Variants in SLC17A8 observed in about 807,000 individuals in gnomAD.
SLC17A8 encodes solute carrier family 17 member 8, also known as vesicular glutamate transporter 3.
In SLC17A8, 31 loss-of-function variants were observed where a neutral mutation model predicts 58.0. The observed-to-expected ratio is 0.53, with a 90% CI of 0.40 to 0.72. The LOEUF (loss-of-function observed/expected upper bound fraction) is 0.72, where lower values mean the gene tolerates loss of function less well. SLC17A8 is among the 30% of genes least tolerant of loss of function. The pLI is 0.00. For missense variants in SLC17A8, 655 were observed against 727.8 expected (o/e 0.90, Z 1.15); for synonymous variants, 228 against 249.0 (o/e 0.92, Z 0.79).
intron 9 of SLC17A8, among the ~76,000 whole-genome samples, chr12:100,405,098 G>T (rs1396564513): frequency 6.6e-6 from 1 of 152,250 alleles, no homozygotes; most frequent in Non-Finnish European, 1.5e-5. Flanking sequence ...CACAGGAGCA[G>T]GCATGATCTG....
At chr12:100,367,604 G>A (rs879572198) in intron 1 of SLC17A8, among the ~76,000 whole-genome samples, 11 of 152,254 alleles carry the variant, frequency 7.2e-5, no homozygotes, top group Admixed American at 3.9e-4. Flanking sequence ...AGGCTGGAGT[G>A]CAGTGGCACA....
rs575106312 is a variant in SLC17A8 at position 100,367,903 on chromosome 12, G to A, written c.101+10411G>A. ...TGGTGGCCATATCCTGTATCTCTGT[G>A]TATAATGTAATAATGACTAGAAATT... On this transcript the variant is annotated intron_variant, in intron 1 of 11. Transcript: ENST00000323346. 1.8e-3 allele frequency among the ~76,000 whole-genome samples: 271 copies of A among 152,226 alleles called. 2 individuals carry two copies. Among genetic ancestry groups the A allele is most frequent in the African/African-American group, 6.0e-3 (251 of 41,534 alleles).
intron 1 of SLC17A8, among the ~76,000 whole-genome samples, chr12:100,372,237 C>T (rs1952563597): frequency 6.6e-6 from 1 of 152,180 alleles, no homozygotes; most frequent in Admixed American, 6.5e-5. Flanking sequence ...GGTTTGATTT[C>T]TCCTGAGGCC....
Position 100,368,795 on chromosome 12 carries a change from G to T in SLC17A8, c.101+11303G>T, listed in dbSNP as rs1451323665. The stretch of plus-strand genomic sequence containing the variant: ...TAAGTGCTTCTTAAAGGTTAGTAAG[G>T]CCTATAGATTCAATACCTACAGAGT... On this transcript the variant is annotated intron_variant, in intron 1 of 11. Transcript: ENST00000323346. Among the ~76,000 whole-genome samples, 5 of 152,226 alleles carry T rather than the reference G, an allele frequency of 3.3e-5. No individual in the cohort carries two copies. The East Asian group carries it at 9.6e-4, about 29-fold the overall frequency.
chr12:100,380,014 C>T (rs1419251460), intron 1 of SLC17A8, among the ~76,000 whole-genome samples: 1 of 152,050 alleles, frequency 6.6e-6, no homozygotes, highest in African/African-American at 2.4e-5. Flanking sequence ...GCCTGACCAA[C>T]ATGGAGAAAC....
chr12:100,378,946 A>G (rs1952613102), intron 1 of SLC17A8, among the ~76,000 whole-genome samples: 2 of 152,296 alleles, frequency 1.3e-5, no homozygotes, highest in South Asian at 2.1e-4. Flanking sequence ...AGCTGCTTGT[A>G]TATGTGTCTT....
chr12:100,401,727 A>G (rs756759606), intron 5 of SLC17A8, 50 bp from the exon 6 acceptor site: 3 of 1,411,694 alleles, frequency 2.1e-6, no homozygotes, highest in Admixed American at 1.7e-5. Context: ...ATGAGCTGAA[A>G]AGGCTTGCAT....
At position 100,420,093 on chromosome 12, in the gene SLC17A8, G is replaced by C. The variant is rs756074483; in HGVS notation, c.1704G>C (p.Ala568=). ...QKKEWKGQRG[A]TLDEEELTSY... Reference sequence around the variant, plus strand: ...AGGAATGGAAAGGACAGAGAGGAGCGACCCTTGATGAGGAAGAGCTGACAT... The same window carrying C: ...AGGAATGGAAAGGACAGAGAGGAGCCACCCTTGATGAGGAAGAGCTGACAT... The change falls in exon 12 of 12, where the codon GCG becomes GCC. Residue 568 remains alanine (A), a synonymous_variant. Coordinates refer to ENST00000323346, the MANE Select transcript of SLC17A8 (RefSeq NM_139319.3). The C allele has an allele frequency of 6.2e-7, 1 of 1,614,038 alleles. No homozygotes were observed.
In SLC17A8 at chr12:100,421,884, G is replaced by A. The variant is rs1952952961; in HGVS notation, c.*1725G>A. The A allele has an allele frequency of 6.6e-6, 1 of 152,000 alleles. No homozygotes were observed. The highest frequency in any genetic ancestry group is 2.1e-4 in the South Asian group (1 of 4,824). The allele number at this position is 152,000 out of a possible 1,614,324, so 9.4% of individuals were successfully genotyped here. A position where few individuals can be genotyped will look rare whatever the true frequency, so the allele number is the denominator to read the frequency against. ...TGCAAGCCCCATAAAACAGTTCCTA[G>A]CATGCAGAAAATGCCCACGTAAATA... On this transcript the variant is annotated 3_prime_UTR_variant, in exon 12 of 12. Coordinates refer to ENST00000323346, the MANE Select transcript of SLC17A8 (RefSeq NM_139319.3).
Position 100,402,795 on chromosome 12 carries a change from C to G in SLC17A8, c.1053+50C>G, listed in dbSNP as rs1160818025. On this transcript the variant is annotated intron_variant, in intron 8 of 11. Coordinates refer to ENST00000323346, the MANE Select transcript of SLC17A8 (RefSeq NM_139319.3). Reference sequence around the variant, plus strand: ...TTTTTGAACTTTAAATCTCTTGATTCTACAGAGAATAACTTTGTATGATAA... The same window carrying G: ...TTTTTGAACTTTAAATCTCTTGATTGTACAGAGAATAACTTTGTATGATAA... 1.3e-6 allele frequency: 2 copies of G among 1,529,138 alleles called. 1 individual carries two copies. Among genetic ancestry groups the G allele is most frequent in the Admixed American group, 3.6e-5 (2 of 55,566 alleles). 94.7% of individuals were successfully genotyped at this position (1,529,138 alleles called of 1,614,324 possible).
chr12:100,383,088 G>A (rs914957598), intron 2 of SLC17A8, among the ~76,000 whole-genome samples: 1 of 152,202 alleles, frequency 6.6e-6, no homozygotes, highest in Non-Finnish European at 1.5e-5. Context: ...GGTTTCAGAT[G>A]TGTATCACAT....
intron 1 of SLC17A8, among the ~76,000 whole-genome samples, chr12:100,365,568 C>CA (rs1952514301): frequency 2.0e-5 from 3 of 152,192 alleles, no homozygotes; most frequent in African/African-American, 7.2e-5. Context: ...TACACTGCCT[C>CA]AAAAACCCAA....
chr12:100,416,498 C>A (rs2136017473), intron 10 of SLC17A8, among the ~76,000 whole-genome samples: 1 of 151,384 alleles, frequency 6.6e-6, no homozygotes, highest in Middle Eastern at 3.4e-3. Flanking sequence ...AACCAGTGTG[C>A]CAGATTAGAA....
chr12:100,359,380 C>G (rs1952468847), intron 1 of SLC17A8, among the ~76,000 whole-genome samples: 1 of 152,066 alleles, frequency 6.6e-6, no homozygotes, highest in African/African-American at 2.4e-5. Context: ...TTTTTGTTTA[C>G]AAAATTGATT....
chr12:100,373,293 C>A (rs1274016368), intron 1 of SLC17A8, among the ~76,000 whole-genome samples: 1 of 152,204 alleles, frequency 6.6e-6, no homozygotes, highest in African/African-American at 2.4e-5. Flanking sequence ...AGTCCTCCAA[C>A]TCCTAAGAAA....
At chr12:100,379,122 T>C (rs931143618) in intron 1 of SLC17A8, among the ~76,000 whole-genome samples, 2 of 152,196 alleles carry the variant, frequency 1.3e-5, no homozygotes, top group African/African-American at 2.4e-5. Flanking sequence ...TGCCGGAAAT[T>C]TGATTTCCTT....
chr12:100,367,722 T>A lies in SLC17A8; in HGVS notation c.101+10230T>A, dbSNP rs180892506. On this transcript the variant is annotated intron_variant, in intron 1 of 11. Coordinates refer to ENST00000323346, the MANE Select transcript of SLC17A8 (RefSeq NM_139319.3). ...CGAGCCACCATGCTTGGCTAATTTT[T>A]AAAATATTCTGTAGAGACGAAGGTC... Among the ~76,000 whole-genome samples the A allele has an allele frequency of 6.6e-5, 10 of 152,202 alleles. No homozygotes were observed. The East Asian group carries it at 1.7e-3, about 27-fold the overall frequency.
At chr12:100,399,161 C>A (rs977213344) in intron 5 of SLC17A8, among the ~76,000 whole-genome samples, 2 of 152,062 alleles carry the variant, frequency 1.3e-5, no homozygotes, top group African/African-American at 4.8e-5. Flanking sequence ...AGGGCCGAAC[C>A]GGGGGCTCTT....
rs149392765 is a variant in SLC17A8, at chr12:100,379,163, G to T, written c.102-1538G>T. Among the ~76,000 whole-genome samples the T allele has an allele frequency of 3.1e-3, 475 of 151,656 alleles. 8 individuals are homozygous for T. Among genetic ancestry groups the T allele is most frequent in the African/African-American group, 0.011 (435 of 41,336 alleles). ...ATAAGAACCTGCCAAGGTGCCGGGG[G>T]CGGTGGCTCACGCCTGTAATCCCAG... is the stretch of plus-strand genomic sequence containing the variant. On this transcript the variant is annotated intron_variant, in intron 1 of 11. Coordinates refer to ENST00000323346, the MANE Select transcript of SLC17A8 (RefSeq NM_139319.3).
Sources: allele counts gnomAD v4.1 joint callset (sites outside exome capture counted in the v4.1 genomes callset), GRCh38; gene constraint gnomAD v4.1.1; transcripts MANE v1.5; gene names NCBI Gene and HGNC (gene_info 2026-07-23, HGNC 2026-07-21).